Variants in GGA2 observed in about 807,000 individuals in gnomAD.
GGA2 encodes golgi associated, gamma adaptin ear containing, ARF binding protein 2, also known as ADP-ribosylation factor-binding protein GGA2.
Under a neutral mutation model 79.5 loss-of-function variants are expected in GGA2, and 48 were observed. That is an observed-to-expected ratio of 0.60 (90% CI 0.48 to 0.77). The LOEUF (loss-of-function observed/expected upper bound fraction) is 0.77, where lower values mean the gene tolerates loss of function less well. GGA2 is among the 30% of genes least tolerant of loss of function. The pLI is 0.00. For synonymous variants in GGA2, 317 were observed against 302.0 expected (o/e 1.05, Z -0.51); for missense variants, 770 against 774.0 (o/e 0.99, Z 0.06).
At chr16:23,491,585 C>A in intron 5 of GGA2, 92 bp downstream of exon 5, 3 of 1,061,106 alleles carry the variant, frequency 2.8e-6, no homozygotes, top group South Asian at 1.4e-5. Flanking sequence ...ATAAGAAGTA[C>A]AGCTTTCAAC....
At chr16:23,487,719 C>A (rs1382105828) in intron 6 of GGA2, among the ~76,000 whole-genome samples, 2 of 151,948 alleles carry the variant, frequency 1.3e-5, no homozygotes, top group African/African-American at 4.8e-5. Flanking sequence ...ACCTAAGGCA[C>A]CAAGCAGGAG....
chr16:23,515,170 G>A (rs1184755874), upstream of GGA2, among the ~76,000 whole-genome samples: 2 of 150,682 alleles, frequency 1.3e-5, no homozygotes, highest in Non-Finnish European at 3.0e-5. Context: ...ATATAAATAT[G>A]TATCAGCTGG....
intron 1 of GGA2, among the ~76,000 whole-genome samples, chr16:23,496,504 A>G (rs1370315811): frequency 6.6e-6 from 1 of 151,960 alleles, no homozygotes; most frequent in African/African-American, 2.4e-5. Context: ...ACACACCACC[A>G]GAAGGAATAC....
In GGA2 at chr16:23,472,249, A is replaced by C. The variant is rs549757976; in HGVS notation, c.1451-2084T>G. Reference sequence around the variant, plus strand: ...CACTGTGTCACCCAGGCTGGAGTGCAGTGGCGCAATCTCAGCTCACTGCAA... The same window carrying C: ...CACTGTGTCACCCAGGCTGGAGTGCCGTGGCGCAATCTCAGCTCACTGCAA... On this transcript the variant is annotated intron_variant, in intron 14 of 16. Coordinates refer to ENST00000309859, the MANE Select transcript of GGA2 (RefSeq NM_015044.4). Among the ~76,000 whole-genome samples, 9 of 125,682 alleles carry C rather than the reference A, an allele frequency of 7.2e-5. No individual in the cohort carries two copies. In the South Asian group the frequency reaches 2.4e-3, roughly 34 times the overall value. The allele number at this position is 125,682 out of a possible 152,430, so 82.5% of individuals were successfully genotyped here.
chr16:23,508,577 C>T (rs1410492087), intron 1 of GGA2, among the ~76,000 whole-genome samples: 1 of 152,176 alleles, frequency 6.6e-6, no homozygotes, highest in Non-Finnish European at 1.5e-5. Flanking sequence ...GTGGGTGCCC[C>T]TGCAGGTCTC....
At chr16:23,500,983 G>A (rs1333893445) in intron 1 of GGA2, 1 of 323,736 alleles carries the variant, frequency 3.1e-6, no homozygotes. Context: ...CTAGATAACA[G>A]AACAGTCAGC....
At chr16:23,516,640 C>G (rs548760102) in intron 2 of GGA2, among the ~76,000 whole-genome samples, 1 of 152,204 alleles carries the variant, frequency 6.6e-6, no homozygotes, top group South Asian at 2.1e-4. Context: ...TTATGAAGAC[C>G]CAACTCCTTG....
At chr16:23,475,125 T>C in intron 13 of GGA2, 64 bp from the exon 14 acceptor site, 2 of 1,029,202 alleles carry the variant, frequency 1.9e-6, no homozygotes, top group South Asian at 1.5e-5. Flanking sequence ...GAATCTGGGT[T>C]AGGCTTATTA....
intron 3 of GGA2, 192 bp from the exon 4 acceptor site, chr16:23,493,650 C>G (rs1219643463): frequency 1.6e-5 from 9 of 573,428 alleles, no homozygotes; most frequent in Admixed American, 6.0e-5. Context: ...TTCAATCTTG[C>G]TATAACTGCC....
chr16:23,487,357 T>C (rs1009781561), intron 6 of GGA2, among the ~76,000 whole-genome samples: 1 of 152,006 alleles, frequency 6.6e-6, no homozygotes, highest in Admixed American at 6.6e-5. Context: ...CTGGAGAAAT[T>C]TGGTTGTCAC....
chr16:23,473,146 A>G (rs1166798728), intron 14 of GGA2, among the ~76,000 whole-genome samples: 1 of 151,904 alleles, frequency 6.6e-6, no homozygotes, highest in African/African-American at 2.4e-5. Flanking sequence ...GGGCATAAAA[A>G]TGGTATAGGC....
At position 23,467,534 on chromosome 16, in the gene GGA2, G is replaced by C; in HGVS notation, c.*56C>G. The C allele has an allele frequency of 2.3e-6, 2 of 869,418 alleles. No individual in the cohort carries two copies. The highest frequency in any genetic ancestry group is 1.9e-6 in the Non-Finnish European group (1 of 515,090). The allele number at this position is 869,418 out of a possible 1,614,324, so 53.9% of individuals were successfully genotyped here. Reference sequence around the variant, plus strand: ...GAAACACCGTGATTAGTCCTGACTAGACAGCAAAAGTAACGCCAGCCTAAG... The same window carrying C: ...GAAACACCGTGATTAGTCCTGACTACACAGCAAAAGTAACGCCAGCCTAAG... On this transcript the variant is annotated 3_prime_UTR_variant, in exon 17 of 17. Coordinates refer to ENST00000309859, the MANE Select transcript of GGA2 (RefSeq NM_015044.4).
chr16:23,488,771 C>G, intron 5 of GGA2, 62 bp from the exon 6 acceptor site: 2 of 950,590 alleles, frequency 2.1e-6, no homozygotes, highest in Non-Finnish European at 3.4e-6. Flanking sequence ...CAGTCAGAAT[C>G]CAGTATAAAG....
chr16:23,505,936 TG>T (rs1289239172), intron 1 of GGA2, among the ~76,000 whole-genome samples: 1 of 152,194 alleles, frequency 6.6e-6, no homozygotes, highest in Non-Finnish European at 1.5e-5. Flanking sequence ...TTCCTTTTTT[TG>T]GTAAGCGGGT....
chr16:23,472,998 A>G (rs1274042435), intron 14 of GGA2, among the ~76,000 whole-genome samples: 1 of 136,108 alleles, frequency 7.3e-6, no homozygotes, highest in Non-Finnish European at 1.5e-5. Flanking sequence ...ATGCTGCTAC[A>G]CTCCAGCCTG....
intron 2 of GGA2, among the ~76,000 whole-genome samples, chr16:23,517,706 C>T (rs190251634): frequency 4.3e-4 from 66 of 152,210 alleles, no homozygotes; most frequent in South Asian, 8.3e-4. Flanking sequence ...CACCCATCTA[C>T]CTGGGAAACT....
chr16:23,519,166 G>A (rs150253825), intron 2 of GGA2, among the ~76,000 whole-genome samples: 24 of 149,076 alleles, frequency 1.6e-4, no homozygotes, highest in African/African-American at 4.2e-4. Context: ...CCTCAGCCAC[G>A]CCAGTAGCTG....
chr16:23,480,913 G>C (rs1449114353), intron 9 of GGA2, 143 bp from the exon 10 acceptor site: 2 of 757,644 alleles, frequency 2.6e-6, no homozygotes, highest in South Asian at 1.7e-5. Flanking sequence ...TTGTGTCATC[G>C]GACCCTATCA....
chr16:23,501,211 A>G, intron 1 of GGA2: 1 of 450,234 alleles, frequency 2.2e-6, no homozygotes, highest in Non-Finnish European at 4.5e-6. Context: ...CTACAGCTCC[A>G]TGTGCAATCG....
Sources: allele counts gnomAD v4.1 joint callset (sites outside exome capture counted in the v4.1 genomes callset), GRCh38; gene constraint gnomAD v4.1.1; transcripts MANE v1.5; gene names NCBI Gene and HGNC (gene_info 2026-07-23, HGNC 2026-07-21).